Variants in NSMCE2 observed in about 807,000 individuals in gnomAD.
NSMCE2 encodes the protein E3 SUMO-protein ligase NSE2.
Under a neutral mutation model 23.8 loss-of-function variants are expected in NSMCE2, and 24 were observed. The observed-to-expected ratio is 1.01, with a 90% CI of 0.73 to 1.42. NSMCE2 has a LOEUF of 1.42. Among genes scored for constraint, NSMCE2 ranks in the 40% most tolerant of loss-of-function variants. NSMCE2 has a pLI of 0.00. For missense variants in NSMCE2, 284 were observed against 296.5 expected, an observed-to-expected ratio of 0.96 and a Z score of 0.31; for synonymous variants, 92 against 94.1, an observed-to-expected ratio of 0.98 and a Z score of 0.13.
chr8:125,153,213 AC>A (rs1821136436), intron 4 of NSMCE2, among the ~76,000 whole-genome samples: 1 of 152,192 alleles, frequency 6.6e-6, no homozygotes, highest in Non-Finnish European at 1.5e-5. Flanking sequence ...TTATCCTCGA[AC>A]AGGGAAGATA....
intron 5 of NSMCE2, among the ~76,000 whole-genome samples, chr8:125,242,767 C>T (rs1413897643): frequency 2.0e-5 from 3 of 152,120 alleles, no homozygotes; most frequent in Non-Finnish European, 2.9e-5. Flanking sequence ...AACAGAGTCC[C>T]CCACTCACAG....
intron 5 of NSMCE2, among the ~76,000 whole-genome samples, chr8:125,225,293 A>G (rs1056828892): frequency 1.3e-5 from 2 of 152,220 alleles, no homozygotes; most frequent in African/African-American, 4.8e-5. Context: ...CCTTCAGTCG[A>G]CAGCAGTGGG....
chr8:125,254,178 T>C (rs1826314023), intron 5 of NSMCE2, among the ~76,000 whole-genome samples: 1 of 152,244 alleles, frequency 6.6e-6, no homozygotes, highest in African/African-American at 2.4e-5. Context: ...TAATTCAAAC[T>C]CTAATATCTC....
In NSMCE2 at chr8:125,240,130, C is replaced by CTT. The variant is rs397687521; in HGVS notation, c.418+57886_418+57887dup. On this transcript the variant is annotated intron_variant, in intron 5 of 7. Coordinates refer to ENST00000287437, the MANE Select transcript of NSMCE2 (RefSeq NM_173685.4). Reference sequence around the variant, plus strand: ...GCTGAAGTGTGCAGTTTTTCTTTTTCTTTTTTTTTTTTTGAGACGGAGTCT... The same window carrying CTT: ...GCTGAAGTGTGCAGTTTTTCTTTTTCTTTTTTTTTTTTTTTGAGACGGAGTCT... Among the ~76,000 whole-genome samples the CTT allele has an allele frequency of 2.6e-3, 375 of 144,226 alleles. 3 individuals are homozygous for CTT. Among genetic ancestry groups the CTT allele is most frequent in the South Asian group, 7.3e-3 (33 of 4,524 alleles). 94.6% of individuals were successfully genotyped at this position (144,226 alleles called of 152,430 possible). A position where few individuals can be genotyped will look rare whatever the true frequency, so the allele number is the denominator to read the frequency against.
intron 5 of NSMCE2, among the ~76,000 whole-genome samples, chr8:125,250,435 A>G (rs190795724): frequency 7.6e-4 from 116 of 152,310 alleles, no homozygotes; most frequent in African/African-American, 2.6e-3. Context: ...GACTACCTCT[A>G]TTGATATATT....
At chr8:125,222,345 ACCT>A (rs1009413574) in intron 5 of NSMCE2, among the ~76,000 whole-genome samples, 52 of 152,274 alleles carry the variant, frequency 3.4e-4, no homozygotes, top group East Asian at 2.5e-3. Flanking sequence ...CATATCTGTC[ACCT>A]CATTTCCTTT....
chr8:125,183,387 C>T (rs188107372), intron 5 of NSMCE2, among the ~76,000 whole-genome samples: 209 of 150,298 alleles, frequency 1.4e-3, no homozygotes, highest in Middle Eastern at 3.4e-3. Context: ...AGCATTTTCC[C>T]CATATTTTAA....
chr8:125,256,488 G>T (rs1413647440), intron 5 of NSMCE2, among the ~76,000 whole-genome samples: 2 of 152,138 alleles, frequency 1.3e-5, no homozygotes, highest in African/African-American at 2.4e-5. Flanking sequence ...TCCATGTAGC[G>T]ATGTCAGTGA....
At chr8:125,211,516 TG>T (rs1395220469) in intron 5 of NSMCE2, among the ~76,000 whole-genome samples, 3 of 152,256 alleles carry the variant, frequency 2.0e-5, no homozygotes, top group Admixed American at 6.5e-5. Context: ...GTAGTTATTC[TG>T]TGGCTGTTAC....
At chr8:125,258,939 G>A (rs1826560227) in intron 5 of NSMCE2, among the ~76,000 whole-genome samples, 2 of 152,232 alleles carry the variant, frequency 1.3e-5, no homozygotes, top group South Asian at 4.1e-4. Context: ...TTTTGCTCTT[G>A]TTGCCCAGGC....
chr8:125,149,773 T>C (rs1325403463), intron 3 of NSMCE2, among the ~76,000 whole-genome samples: 3 of 152,196 alleles, frequency 2.0e-5, no homozygotes, highest in African/African-American at 7.2e-5. Context: ...AACTGAAATA[T>C]TTGTGGATCT....
At chr8:125,322,740 A>G (rs1296825313) in intron 5 of NSMCE2, among the ~76,000 whole-genome samples, 4 of 152,278 alleles carry the variant, frequency 2.6e-5, no homozygotes, top group South Asian at 4.1e-4. Flanking sequence ...GCTAGAACTA[A>G]TACGTGAGTT....
intron 5 of NSMCE2, among the ~76,000 whole-genome samples, chr8:125,353,311 G>C (rs1813116551): frequency 6.6e-6 from 1 of 152,198 alleles, no homozygotes; most frequent in African/African-American, 2.4e-5. Context: ...ATCAGAAATG[G>C]GAGGCAGCAG....
intron 5 of NSMCE2, among the ~76,000 whole-genome samples, chr8:125,321,268 T>C (rs78390266): frequency 0.012 from 1,773 of 152,324 alleles, 39 homozygotes; most frequent in African/African-American, 0.039. Flanking sequence ...GGATTTTTTT[T>C]CTTAATATTC....
At chr8:125,190,814 C>G (rs1385228780) in intron 5 of NSMCE2, among the ~76,000 whole-genome samples, 14 of 152,148 alleles carry the variant, frequency 9.2e-5, no homozygotes, top group Admixed American at 9.2e-4. Flanking sequence ...TAACAGCCGA[C>G]ATTGTTTGAG....
chr8:125,235,624 A>C (rs969875095), intron 5 of NSMCE2, among the ~76,000 whole-genome samples: 1 of 152,214 alleles, frequency 6.6e-6, no homozygotes, highest in African/African-American at 2.4e-5. Context: ...TTTTACTTCA[A>C]AGTATATTGG....
intron 5 of NSMCE2, among the ~76,000 whole-genome samples, chr8:125,340,061 CG>C (rs1256296752): frequency 2.4e-5 from 3 of 125,754 alleles, no homozygotes; most frequent in Non-Finnish European, 3.1e-5. Context: ...GTGGCCCAGG[CG>C]GGAGTGCAGT....
intron 5 of NSMCE2, among the ~76,000 whole-genome samples, chr8:125,278,700 T>C (rs1203723460): frequency 6.6e-6 from 1 of 152,188 alleles, no homozygotes; most frequent in Non-Finnish European, 1.5e-5. Context: ...TTTTCTTTCT[T>C]TTTGTCTTTT....
At chr8:125,316,018 G>C (rs1479570277) in intron 5 of NSMCE2, among the ~76,000 whole-genome samples, 1 of 152,070 alleles carries the variant, frequency 6.6e-6, no homozygotes, top group Non-Finnish European at 1.5e-5. Context: ...TGTTGCCCGG[G>C]CTGGTCTCAA....
Sources: gnomAD v4.1 joint callset for allele counts (sites outside exome capture counted in the v4.1 genomes callset) on GRCh38, gnomAD v4.1.1 for gene constraint, MANE v1.5 for transcripts, NCBI Gene and HGNC (gene_info 2026-07-23, HGNC 2026-07-21) for gene names.